The following PAPPA2 variants were observed in gnomAD, a reference collection of about 807,000 sequenced individuals.
PAPPA2 encodes pappalysin 2.
In PAPPA2, 86 loss-of-function variants were observed where a neutral mutation model predicts 176.4. The ratio of observed to expected loss-of-function variants is 0.49; its 90% CI spans 0.41 to 0.58. The LOEUF (loss-of-function observed/expected upper bound fraction) is 0.58, where lower values mean the gene tolerates loss of function less well. Ranked by LOEUF, PAPPA2 falls within the 20% of genes least tolerant of loss-of-function variation. PAPPA2 has a pLI of 0.00. For missense variants in PAPPA2, 2,073 were observed against 2,256.9 expected (o/e 0.92, Z 1.65); for synonymous variants, 809 against 852.2 (o/e 0.95, Z 0.88).
intron 4 of PAPPA2, among the ~76,000 whole-genome samples, chr1:176,678,960 C>T (rs1659447253): frequency 6.6e-6 from 1 of 151,618 alleles, no homozygotes. Context: ...ATTGTGAGCA[C>T]AAGGAAAGAA....
chr1:176,526,643 G>A (rs1258082774), intron 1 of PAPPA2, among the ~76,000 whole-genome samples: 1 of 152,206 alleles, frequency 6.6e-6, no homozygotes, highest in Non-Finnish European at 1.5e-5. Flanking sequence ...CTACAGCAGA[G>A]AGCTTCCCCT....
At chr1:176,477,930 C>T (rs1461514246) in intron 1 of PAPPA2, among the ~76,000 whole-genome samples, 1 of 152,048 alleles carries the variant, frequency 6.6e-6, no homozygotes, top group Non-Finnish European at 1.5e-5. Context: ...AGGATGAACA[C>T]CAGAGAAGTT....
chr1:176,833,465 G>C (rs1667153982), intron 21 of PAPPA2, among the ~76,000 whole-genome samples: 1 of 152,204 alleles, frequency 6.6e-6, no homozygotes. Context: ...CAGATCACCT[G>C]TTAAAACCCA....
intron 9 of PAPPA2, among the ~76,000 whole-genome samples, chr1:176,706,037 C>T (rs1351744504): frequency 2.0e-5 from 3 of 152,142 alleles, no homozygotes; most frequent in Non-Finnish European, 4.4e-5. Flanking sequence ...CAGGGTTTTT[C>T]TAAGCTTAAG....
intron 3 of PAPPA2, among the ~76,000 whole-genome samples, chr1:176,634,128 A>G (rs1324856266): frequency 6.6e-6 from 1 of 152,224 alleles, no homozygotes; most frequent in Non-Finnish European, 1.5e-5. Context: ...ATGCTGCTAT[A>G]AAGACACATG....
intron 1 of PAPPA2, among the ~76,000 whole-genome samples, chr1:176,526,210 G>A (rs1649493180): frequency 6.6e-6 from 1 of 152,212 alleles, no homozygotes; most frequent in African/African-American, 2.4e-5. Flanking sequence ...ATCTCCAGGA[G>A]ATTGCTGCTA....
chr1:176,793,278 G>T (rs1665264906), intron 19 of PAPPA2, among the ~76,000 whole-genome samples: 1 of 152,182 alleles, frequency 6.6e-6, no homozygotes. Flanking sequence ...ACATCATGTA[G>T]AAATTCAGGC....
chr1:176,661,015 CA>C (rs1269420994), intron 3 of PAPPA2, among the ~76,000 whole-genome samples: 1 of 152,084 alleles, frequency 6.6e-6, no homozygotes, highest in Admixed American at 6.6e-5. Flanking sequence ...AACACCAAAA[CA>C]GGTCTTTTTG....
intron 12 of PAPPA2, among the ~76,000 whole-genome samples, chr1:176,727,480 G>A (rs562681736): frequency 1.3e-5 from 2 of 152,144 alleles, no homozygotes; most frequent in South Asian, 4.1e-4. Context: ...ATTTCATAAT[G>A]ATAAATAGGT....
chr1:176,663,092 C>T (rs1326826527), intron 3 of PAPPA2, among the ~76,000 whole-genome samples: 1 of 152,166 alleles, frequency 6.6e-6, no homozygotes, highest in East Asian at 1.9e-4. Context: ...GGGCTAATCA[C>T]TATATCCCTC....
At chr1:176,566,467 A>G (rs548762202) in intron 2 of PAPPA2, among the ~76,000 whole-genome samples, 13 of 152,304 alleles carry the variant, frequency 8.5e-5, no homozygotes, top group African/African-American at 3.1e-4. Context: ...GAGACAATGC[A>G]GTGGATGAGG....
chr1:176,613,306 C>T (rs900036472), intron 3 of PAPPA2, among the ~76,000 whole-genome samples: 2 of 152,204 alleles, frequency 1.3e-5, no homozygotes, highest in African/African-American at 4.8e-5. Flanking sequence ...ATAATTAGCC[C>T]ACTCAGATTC....
chr1:176,551,011 T>C (rs577228849), intron 1 of PAPPA2, among the ~76,000 whole-genome samples: 1 of 152,288 alleles, frequency 6.6e-6, no homozygotes, highest in East Asian at 1.9e-4. Flanking sequence ...GCAAAAAAGC[T>C]GGGCAGAGAT....
At chr1:176,648,424 A>G (rs1487403375) in intron 3 of PAPPA2, among the ~76,000 whole-genome samples, 1 of 151,242 alleles carries the variant, frequency 6.6e-6, no homozygotes, top group Non-Finnish European at 1.5e-5. Context: ...GATGCCCTTT[A>G]TTTTTTCTCT....
chr1:176,638,023 G>T (rs958970156), intron 3 of PAPPA2, among the ~76,000 whole-genome samples: 2 of 151,964 alleles, frequency 1.3e-5, no homozygotes, highest in African/African-American at 4.8e-5. Context: ...AATTATCTTA[G>T]TGTCATCCCA....
rs377473207 is a variant in PAPPA2, at chr1:176,800,195, C to A, written c.5202+63C>A. ...ACTCAGGTGGATTTAACTTATGGAGCTTGAATCCTTCTAATTTAGGACCTG... is the reference window on the plus strand; with the variant it reads ...ACTCAGGTGGATTTAACTTATGGAGATTGAATCCTTCTAATTTAGGACCTG... On this transcript the variant is annotated intron_variant, in intron 21 of 22. Coordinates refer to ENST00000367662, the MANE Select transcript of PAPPA2 (RefSeq NM_020318.3). 5.0e-5 allele frequency: 76 copies of A among 1,509,740 alleles called. 1 individual carries two copies. In the African/African-American group the frequency reaches 7.1e-4, roughly 14 times the overall value. 93.5% of individuals were successfully genotyped at this position (1,509,740 alleles called of 1,614,324 possible). A position where few individuals can be genotyped will look rare whatever the true frequency, so the allele number is the denominator to read the frequency against.
intron 3 of PAPPA2, among the ~76,000 whole-genome samples, chr1:176,626,571 A>AC (rs1213679077): frequency 6.6e-6 from 1 of 152,238 alleles, no homozygotes; most frequent in Non-Finnish European, 1.5e-5. Context: ...TATTTTACAA[A>AC]AATTTCATCA....
At chr1:176,724,836 T>C (rs1661790827) in intron 12 of PAPPA2, among the ~76,000 whole-genome samples, 1 of 152,244 alleles carries the variant, frequency 6.6e-6, no homozygotes, top group Admixed American at 6.5e-5. Context: ...ATTTTATTAT[T>C]AATTCTCATA....
intron 21 of PAPPA2, among the ~76,000 whole-genome samples, chr1:176,830,570 G>GAAGCAGGAT (rs1277262135): frequency 4.9e-4 from 75 of 152,310 alleles, no homozygotes; most frequent in African/African-American, 1.8e-3. Flanking sequence ...GCTGAAAAGG[G>GAAGCAGGAT]AAGCAGGATA....
Sources: allele counts gnomAD v4.1 joint callset (sites outside exome capture counted in the v4.1 genomes callset), GRCh38; gene constraint gnomAD v4.1.1; transcripts MANE v1.5; gene names NCBI Gene and HGNC (gene_info 2026-07-23, HGNC 2026-07-21).